Variants in NLRP13 observed in about 807,000 individuals in gnomAD.
NLRP13 encodes the protein NACHT, LRR and PYD domains-containing protein 13.
NLRP13 carries 82 observed loss-of-function variants against 94.4 expected under a neutral mutation model. The ratio of observed to expected loss-of-function variants is 0.87; its 90% confidence interval spans 0.73 to 1.04. The LOEUF is 1.04. NLRP13 is among the 50% of genes least tolerant of loss of function. The probability of loss-of-function intolerance (pLI) is 0.00; values close to 1 mark genes in which losing one functional copy is unlikely to be tolerated. For synonymous variants in NLRP13, 553 were observed against 464.7 expected (o/e 1.19, Z -2.45); for missense variants, 1,426 against 1,230.8 (o/e 1.16, Z -2.37).
intron 4 of NLRP13, among the ~76,000 whole-genome samples, chr19:55,916,276 A>G (rs1986671915): frequency 6.6e-6 from 1 of 152,234 alleles, no homozygotes; most frequent in Non-Finnish European, 1.5e-5. Context: ...TTCTTCAGAT[A>G]AGAAACTAAT....
rs1290781350 is a variant in NLRP13 at position 55,902,147 on chromosome 19, G to A, written c.2677C>T (p.Gln893Ter). 1.2e-6 allele frequency: 2 copies of A among 1,613,912 alleles called. No homozygotes were observed. The highest frequency in any genetic ancestry group is 2.7e-5 in the African/African-American group (2 of 74,904). Residue 893 changes from glutamine to a stop codon, truncating the protein, a stop_gained, in exon 9 of 11, where the codon CAG (glutamine) becomes TAG (stop). Coordinates refer to ENST00000342929, the MANE Select transcript of NLRP13 (RefSeq NM_176810.2). LOFTEE classifies it high-confidence loss of function. ...ACKHLSDALL[Q>*]NRSLTHLNLS... ...TTCAGGTGTGTCAGGCTCCTGTTCT[G>A]CAGGAGAGCATCTGACAAGTGCTTG...
chr19:55,892,960 T>A (rs545898428), downstream of NLRP13, among the ~76,000 whole-genome samples: 1 of 152,286 alleles, frequency 6.6e-6, no homozygotes, highest in Non-Finnish European at 1.5e-5. Flanking sequence ...AGCATTGACA[T>A]GGAACCAACC....
chr19:55,927,808 A>T (rs1600280296), intron 1 of NLRP13, among the ~76,000 whole-genome samples: 2 of 152,158 alleles, frequency 1.3e-5, no homozygotes, highest in South Asian at 4.1e-4. Flanking sequence ...CCGTGGTAAA[A>T]ATCACTTGTC....
intron 7 of NLRP13, 87 bp from the exon 8 acceptor site, chr19:55,905,199 C>A (rs1986301936): frequency 2.2e-6 from 3 of 1,370,522 alleles, no homozygotes; most frequent in Admixed American, 4.1e-5. Context: ...ACCCCCGAGA[C>A]CCAAACATTA....
rs76941103 is a variant in NLRP13, at chr19:55,921,577, C to A, written c.523+2337G>T. ...GGAAAAGGTTAAATACAAACCATGA[C>A]ACATCCATACAAAGGTATATGGCAA... is the stretch of plus-strand genomic sequence containing the variant. On this transcript the variant is annotated intron_variant, in intron 4 of 10. Coordinates refer to ENST00000342929, the MANE Select transcript of NLRP13 (RefSeq NM_176810.2). Among the ~76,000 whole-genome samples the A allele has an allele frequency of 7.8e-3, 1,186 of 152,248 alleles. 15 individuals carry two copies. Among genetic ancestry groups the A allele is most frequent in the African/African-American group, 0.025 (1,058 of 41,544 alleles).
intron 6 of NLRP13, among the ~76,000 whole-genome samples, chr19:55,908,808 T>C (rs1228220942): frequency 6.6e-6 from 1 of 152,166 alleles, no homozygotes; most frequent in East Asian, 1.9e-4. Flanking sequence ...GAAAAATAAC[T>C]AATGGGTACT....
intron 5 of NLRP13, 55 bp from the exon 6 acceptor site, chr19:55,910,788 C>A: frequency 7.1e-7 from 1 of 1,407,504 alleles, no homozygotes; most frequent in Non-Finnish European, 9.8e-7. Context: ...CAAGCAATAC[C>A]CAGAATACAA....
intron 7 of NLRP13, among the ~76,000 whole-genome samples, chr19:55,907,539 T>C (rs1342524143): frequency 6.6e-6 from 1 of 152,072 alleles, no homozygotes; most frequent in Non-Finnish European, 1.5e-5. Flanking sequence ...GTCATTGCAC[T>C]CCAGCCCGGG....
Position 55,896,175 on chromosome 19 carries a change from G to A in NLRP13, c.2958-56C>T, listed in dbSNP as rs928130690. 2.5e-6 allele frequency: 4 copies of A among 1,571,788 alleles called. No individual in the cohort carries two copies. The African/African-American group carries it at 5.5e-5, about 21-fold the overall frequency. On this transcript the variant is annotated intron_variant, in intron 10 of 10. Transcript: ENST00000342929. ...ATAGTCCTCTGAGACTGGGAAGTTAGAAAAGAGATACCACATCTGCAGGAA... is the reference window on the plus strand; with the variant it reads ...ATAGTCCTCTGAGACTGGGAAGTTAAAAAAGAGATACCACATCTGCAGGAA...
At chr19:55,910,759 G>C (rs764172840) in intron 5 of NLRP13, 26 bp from the exon 6 acceptor site, 1 of 1,568,156 alleles carries the variant, frequency 6.4e-7, no homozygotes, top group East Asian at 2.3e-5. Flanking sequence ...ACAGAACACG[G>C]ATAAGAGCAA....
At chr19:55,900,293 T>G (rs1196770728) in intron 9 of NLRP13, among the ~76,000 whole-genome samples, 1 of 152,040 alleles carries the variant, frequency 6.6e-6, no homozygotes, top group Non-Finnish European at 1.5e-5. Flanking sequence ...AATCTGGAAG[T>G]TTTTATCAAT....
At chr19:55,921,325 G>A (rs1041265807) in intron 4 of NLRP13, among the ~76,000 whole-genome samples, 4 of 151,844 alleles carry the variant, frequency 2.6e-5, no homozygotes, top group East Asian at 1.9e-4. Flanking sequence ...ATACTTGGAA[G>A]GAAAAAGACA....
chr19:55,910,684 T>C lies in NLRP13; in HGVS notation c.2161A>G (p.Thr721Ala). 1 of 1,613,806 alleles carries C rather than the reference T, an allele frequency of 6.2e-7. No individual in the cohort carries two copies. The highest frequency in any genetic ancestry group is 8.5e-7 in the Non-Finnish European group (1 of 1,179,714). The change falls in exon 6 of 11, where the codon ACG (threonine) becomes GCG (alanine). Residue 721 changes from threonine (T) to alanine (A), a missense_variant. Physicochemically the swap from Thr to Ala is moderately conservative, Grantham distance 58. Transcript: ENST00000342929. ...TGCAGATTCTCATTTGTGACCAACG[T>C]AGAGCAAATGCTGTTCCATGCGTGC... The part of the protein sequence containing the change: ...RMHAWNSICS[T>A]LVTNENLHEL...
rs1054611081 is a variant in NLRP13 at position 55,902,131 on chromosome 19, G to A, written c.2693C>T (p.Thr898Ile). 1.9e-6 allele frequency: 3 copies of A among 1,614,130 alleles called. No homozygotes were observed. Among genetic ancestry groups the A allele is most frequent in the Non-Finnish European group, 1.7e-6 (2 of 1,180,016 alleles). The change falls in exon 9 of 11, where the codon ACA becomes ATA. Residue 898 changes from threonine to isoleucine, a missense_variant. Transcript: ENST00000342929. ...GCTGTTCTTGCTCAGATTCAGGTGT[G>A]TCAGGCTCCTGTTCTGCAGGAGAGC... ...SDALLQNRSL[T>I]HLNLSKNSLR...
At position 55,925,037 on chromosome 19, in the gene NLRP13, T is replaced by A. The variant is rs1986935380; in HGVS notation, c.320-2A>T. 6.2e-7 allele frequency: 1 copy of A among 1,613,618 alleles called. No individual in the cohort carries two copies. The highest frequency in any genetic ancestry group is 8.5e-7 in the Non-Finnish European group (1 of 1,179,746). ...GCAGCTCTTGGGTCTGCACATTCTC[T>A]GAAACAAACAGTGATGATGACATAT... On this transcript the variant is annotated splice_acceptor_variant, in intron 1 of 10. Transcript: ENST00000342929. LOFTEE classifies it high-confidence loss of function.
chr19:55,930,874 T>TTTTTTATATATATATA (rs55900335), intron 1 of NLRP13, among the ~76,000 whole-genome samples: 4 of 70,206 alleles, frequency 5.7e-5, no homozygotes, highest in Non-Finnish European at 1.0e-4. Context: ...GAATCAGTGA[T>TTTTTTATATATATATA]TATATATATA....
rs368330089 is a variant in NLRP13 at position 55,910,600 on chromosome 19, C to T, written c.2245G>A (p.Ala749Thr). 40 of 1,611,962 alleles carry T rather than the reference C, an allele frequency of 2.5e-5. No individual in the cohort carries two copies. The African/African-American group carries it at 2.9e-4, about 12-fold the overall frequency. The change falls in exon 6 of 11, where the codon GCA becomes ACA. Residue 749 changes from alanine (A) to threonine (T), a missense_variant. Coordinates refer to ENST00000342929, the MANE Select transcript of NLRP13 (RefSeq NM_176810.2). ...ACTTTGCATCTTGGATTTTTCAGTG[C>T]AAGACAGAGACCCTTCACAGAGGAA... ...HASSVKGLCL[A>T]LKNPRCKVQK...
chr19:55,901,232 GC>G (rs1409445048), intron 9 of NLRP13, among the ~76,000 whole-genome samples: 1 of 152,218 alleles, frequency 6.6e-6, no homozygotes, highest in Admixed American at 6.5e-5. Flanking sequence ...CTTCTCTTTG[GC>G]CCGTCGCCAC....
Position 55,912,858 on chromosome 19 carries a change from T to C in NLRP13, c.959A>G (p.Glu320Gly). Reference protein sequence around the residue: ...IDGFEEIIISESRSESLDDGS... With the variant: ...IDGFEEIIISGSRSESLDDGS... ...ATCATCCAAGCTCTCAGAGCGTGAC[T>C]CAGATATGATTATTTCCTCAAAGCC... Residue 320 changes from glutamate to glycine, a missense_variant, in exon 5 of 11, where the codon GAG becomes GGG. Transcript: ENST00000342929. 6.2e-7 allele frequency: 1 copy of C among 1,614,184 alleles called. No homozygotes were observed. The highest frequency in any genetic ancestry group is 8.5e-7 in the Non-Finnish European group (1 of 1,180,036).
Sources: allele counts gnomAD v4.1 joint callset (sites outside exome capture counted in the v4.1 genomes callset), GRCh38; gene constraint gnomAD v4.1.1; transcripts MANE v1.5; gene names NCBI Gene and HGNC (gene_info 2026-07-23, HGNC 2026-07-21).